TAOK1: variants seen among roughly 807,000 people sequenced by gnomAD.
TAOK1 encodes the protein TAO kinase 1.
Under a neutral mutation model 138.3 loss-of-function variants are expected in TAOK1, and 21 were observed. The ratio of observed to expected loss-of-function variants is 0.15; its 90% CI spans 0.11 to 0.22. TAOK1 has a LOEUF of 0.22. Ranked by LOEUF, TAOK1 falls within the 10% of genes least tolerant of loss-of-function variation. The probability of loss-of-function intolerance (pLI) is 1.00; values close to 1 mark genes in which losing one functional copy is unlikely to be tolerated. For synonymous variants in TAOK1, 361 were observed against 398.4 expected, an observed-to-expected ratio of 0.91 and a Z score of 1.12; for missense variants, 651 against 1,227.7, an observed-to-expected ratio of 0.53 and a Z score of 7.02.
chr17:29,426,888 T>C (rs990028448), intron 1 of TAOK1, among the ~76,000 whole-genome samples: 2 of 152,192 alleles, frequency 1.3e-5, no homozygotes, highest in African/African-American at 4.8e-5. Context: ...GAATATTTTA[T>C]AGTAGAGCAA....
chr17:29,520,724 T>C (rs2031899489), intron 16 of TAOK1, among the ~76,000 whole-genome samples: 1 of 150,972 alleles, frequency 6.6e-6, no homozygotes, highest in African/African-American at 2.4e-5. Context: ...CAAAAAATTT[T>C]TTTTTAATTG....
chr17:29,403,004 A>C (rs114377971), intron 1 of TAOK1, among the ~76,000 whole-genome samples: 1,975 of 151,842 alleles, frequency 0.013, 43 homozygotes, highest in African/African-American at 0.044. Flanking sequence ...AAAAAAAAAA[A>C]AACAAAATTA....
At chr17:29,509,005 C>T (rs764504028) in intron 14 of TAOK1, among the ~76,000 whole-genome samples, 1 of 152,112 alleles carries the variant, frequency 6.6e-6, no homozygotes, top group Non-Finnish European at 1.5e-5. Flanking sequence ...TAGCTACCCT[C>T]TTCTCCCTTT....
At chr17:29,437,144 A>G (rs1415449778) in intron 1 of TAOK1, among the ~76,000 whole-genome samples, 3 of 151,858 alleles carry the variant, frequency 2.0e-5, no homozygotes, top group Non-Finnish European at 4.4e-5. Flanking sequence ...GCTCACTGCC[A>G]CCTCCTCCTC....
At chr17:29,424,156 A>G (rs1905557853) in intron 1 of TAOK1, among the ~76,000 whole-genome samples, 1 of 151,782 alleles carries the variant, frequency 6.6e-6, no homozygotes, top group Non-Finnish European at 1.5e-5. Context: ...TGTTGTGTAT[A>G]GTGTTCTATA....
chr17:29,547,331 A>C lies in TAOK1; in HGVS notation c.*4309A>C, dbSNP rs2032418169. The C allele has an allele frequency of 6.6e-6, 1 of 152,122 alleles. No individual in the cohort carries two copies. The highest frequency in any genetic ancestry group is 1.9e-4 in the East Asian group (1 of 5,196). 9.4% of individuals were successfully genotyped at this position (152,122 alleles called of 1,614,324 possible). ...ACTGTAAAATCAACAGGAAATGGCC[A>C]CTGGGAGAGAAGGATTTGGTATTGG... is the stretch of plus-strand genomic sequence containing the variant. On this transcript the variant is annotated 3_prime_UTR_variant, in exon 20 of 20. Coordinates refer to ENST00000261716, the MANE Select transcript of TAOK1 (RefSeq NM_020791.4).
intron 1 of TAOK1, among the ~76,000 whole-genome samples, chr17:29,437,498 A>G (rs1173597444): frequency 6.6e-6 from 1 of 152,084 alleles, no homozygotes; most frequent in African/African-American, 2.4e-5. Flanking sequence ...ACGCCGGCCT[A>G]TGTATTTCTT....
At chr17:29,402,048 T>C (rs9909470) in intron 1 of TAOK1, among the ~76,000 whole-genome samples, 1 of 152,220 alleles carries the variant, frequency 6.6e-6, no homozygotes, top group African/African-American at 2.4e-5. Context: ...TCAACAACTC[T>C]CCTTCAATCT....
chr17:29,522,347 T>C lies in TAOK1; in HGVS notation c.1976T>C (p.Met659Thr). Residue 659 changes from methionine (M) to threonine (T), a missense_variant, in exon 17 of 20, where the codon ATG becomes ACG. This residue lies in a region of TAOK1 where 258 missense variants were observed against 548.9 expected (regional missense o/e 0.47). Coordinates refer to ENST00000261716, the MANE Select transcript of TAOK1 (RefSeq NM_020791.4). The part of the protein sequence containing the change: ...HAMLLRQHES[M>T]QELEFRHLNT... ...ATGCTACTCCGACAGCATGAATCTA[T>C]GCAAGAACTGGAGTTCCGCCACCTC... 1 of 1,614,238 alleles carries C rather than the reference T, an allele frequency of 6.2e-7. No individual in the cohort carries two copies. Among genetic ancestry groups the C allele is most frequent in the Non-Finnish European group, 8.5e-7 (1 of 1,180,048 alleles).
At chr17:29,421,697 C>T (rs1905449388) in intron 1 of TAOK1, among the ~76,000 whole-genome samples, 1 of 151,764 alleles carries the variant, frequency 6.6e-6, no homozygotes, top group Admixed American at 6.6e-5. Context: ...CTCCTGGGTT[C>T]AAGTGATCCT....
intron 1 of TAOK1, among the ~76,000 whole-genome samples, chr17:29,421,977 A>G (rs1394366036): frequency 2.1e-5 from 3 of 143,286 alleles, no homozygotes; most frequent in African/African-American, 7.8e-5. Context: ...GGCTCACTGC[A>G]AGCTCCATCT....
At chr17:29,467,292 G>A (rs1227389119) in intron 3 of TAOK1, 76 bp downstream of exon 3, 3 of 761,086 alleles carry the variant, frequency 3.9e-6, no homozygotes. Context: ...TTTTTTTTTT[G>A]AGACTGAGTC....
intron 1 of TAOK1, among the ~76,000 whole-genome samples, chr17:29,434,477 G>C (rs189617917): frequency 2.0e-5 from 3 of 152,138 alleles, no homozygotes; most frequent in Non-Finnish European, 4.4e-5. Flanking sequence ...CTCAGGATAC[G>C]TGAGAGTGAG....
chr17:29,458,824 A>C (rs903599956), intron 2 of TAOK1, among the ~76,000 whole-genome samples: 7 of 152,308 alleles, frequency 4.6e-5, no homozygotes, highest in Non-Finnish European at 1.0e-4. Context: ...CCTGCCGAGT[A>C]GCTGGGATTA....
intron 9 of TAOK1, among the ~76,000 whole-genome samples, 183 bp from the exon 10 acceptor site, chr17:29,491,601 G>A (rs575275232): frequency 1.3e-5 from 2 of 152,190 alleles, no homozygotes; most frequent in East Asian, 3.9e-4. Context: ...TTGGAAAATG[G>A]TGAACATTCA....
intron 2 of TAOK1, among the ~76,000 whole-genome samples, chr17:29,455,601 A>C (rs1425574139): frequency 1.3e-5 from 2 of 150,460 alleles, no homozygotes; most frequent in Non-Finnish European, 2.9e-5. Context: ...TGGTGTTAGC[A>C]CTGGGTTTTT....
chr17:29,504,687 AAAAAG>A (rs962699371), intron 13 of TAOK1, among the ~76,000 whole-genome samples: 1 of 152,170 alleles, frequency 6.6e-6, no homozygotes, highest in Non-Finnish European at 1.5e-5. Context: ...AAAAAATAAA[AAAAAG>A]AAAAGAAAAT....
At chr17:29,440,928 A>G (rs2029924793) in intron 1 of TAOK1, among the ~76,000 whole-genome samples, 1 of 152,152 alleles carries the variant, frequency 6.6e-6, no homozygotes, top group South Asian at 2.1e-4. Flanking sequence ...TGCGTTTTCC[A>G]TATTTATTGA....
At chr17:29,446,246 T>C (rs1456723342) in intron 1 of TAOK1, among the ~76,000 whole-genome samples, 1 of 152,182 alleles carries the variant, frequency 6.6e-6, no homozygotes, top group East Asian at 1.9e-4. Context: ...TTTTTCTCTA[T>C]TGGCCTTTTG....
Sources: allele counts gnomAD v4.1 joint callset (sites outside exome capture counted in the v4.1 genomes callset), GRCh38; gene constraint gnomAD v4.1.1; regional missense constraint gnomAD v4.1.1; transcripts MANE v1.5; gene names NCBI Gene and HGNC (gene_info 2026-07-23, HGNC 2026-07-21).